Variants in NEMF observed in about 807,000 individuals in gnomAD.
The protein encoded by NEMF is nuclear export mediator factor, also known as ribosome quality control complex subunit NEMF.
NEMF carries 89 observed loss-of-function variants against 162.2 expected under a neutral mutation model. The observed-to-expected ratio is 0.55, with a 90% confidence interval of 0.46 to 0.65. NEMF has a LOEUF of 0.65. NEMF is among the 30% of genes least tolerant of loss of function. NEMF has a pLI of 0.00. For missense variants in NEMF, 1,133 were observed against 1,261.9 expected, an observed-to-expected ratio of 0.90 and a Z score of 1.55; for synonymous variants, 421 against 404.5, an observed-to-expected ratio of 1.04 and a Z score of -0.49.
intron 5 of NEMF, 44 bp from the exon 6 acceptor site, chr14:49,838,250 C>T (rs1392497449): frequency 2.4e-5 from 37 of 1,516,846 alleles, no homozygotes; most frequent in Non-Finnish European, 2.9e-5. Flanking sequence ...CTTAAATAAA[C>T]CTTACAGCAA....
intron 32 of NEMF, 24 bp downstream of exon 32, chr14:49,784,901 T>G (rs753463440): frequency 1.3e-6 from 2 of 1,595,438 alleles, no homozygotes; most frequent in Admixed American, 1.7e-5. Flanking sequence ...GTCTCCACAT[T>G]CCTTTTCTGA....
rs1411379366 is a variant in NEMF at position 49,789,024 on chromosome 14, A to G, written c.2895+122T>C. On this transcript the variant is annotated intron_variant, in intron 28 of 32. Coordinates refer to ENST00000298310, the MANE Select transcript of NEMF (RefSeq NM_004713.6). ...CTTTCAGGTTGTATTTCTGGATGAC[A>G]TTCCATTAAGAATAGGGTTACTCAC... 2.7e-5 allele frequency: 20 copies of G among 745,344 alleles called. No individual in the cohort carries two copies. The East Asian group carries it at 4.2e-4, about 16-fold the overall frequency. The allele number at this position is 745,344 out of a possible 1,614,324, so 46.2% of individuals were successfully genotyped here.
At chr14:49,836,553 A>G (rs1892913965) in intron 6 of NEMF, among the ~76,000 whole-genome samples, 1 of 152,078 alleles carries the variant, frequency 6.6e-6, no homozygotes. Context: ...GGGCTGAGGC[A>G]GGAGATGGCC....
rs1890033612 is a variant in NEMF at position 49,783,877 on chromosome 14, G to A, written c.*759C>T. The A allele has an allele frequency of 6.6e-6, 1 of 152,020 alleles. No individual in the cohort carries two copies. The highest frequency in any genetic ancestry group is 1.5e-5 in the Non-Finnish European group (1 of 67,986). The allele number at this position is 152,020 out of a possible 1,614,324, so 9.4% of individuals were successfully genotyped here. A position where few individuals can be genotyped will look rare whatever the true frequency, so the allele number is the denominator to read the frequency against. On this transcript the variant is annotated 3_prime_UTR_variant, in exon 33 of 33. Transcript: ENST00000298310. ...ATATTTTTTTCTGACAAGTATCAAT[G>A]AAAGCAGAAGAAAATCCACTCCAAT...
At chr14:49,804,264 A>G (rs1364455239) in intron 19 of NEMF, among the ~76,000 whole-genome samples, 1 of 152,114 alleles carries the variant, frequency 6.6e-6, no homozygotes, top group Admixed American at 6.5e-5. Flanking sequence ...TTGGCCTTCC[A>G]AAGTGCTGGG....
intron 7 of NEMF, chr14:49,834,140 G>A (rs1006141560): frequency 3.3e-6 from 2 of 597,460 alleles, no homozygotes; most frequent in Non-Finnish European, 6.2e-6. Context: ...GCTCAGGCTG[G>A]AGTGCAGCTG....
At chr14:49,809,866 AAG>A (rs1891389482) in intron 18 of NEMF, among the ~76,000 whole-genome samples, 1 of 152,052 alleles carries the variant, frequency 6.6e-6, no homozygotes, top group Non-Finnish European at 1.5e-5. Context: ...GTCTCAAAAA[AAG>A]AGAGTGAACT....
intron 11 of NEMF, among the ~76,000 whole-genome samples, chr14:49,830,655 G>T (rs1892589261): frequency 6.6e-6 from 1 of 152,244 alleles, no homozygotes; most frequent in East Asian, 1.9e-4. Flanking sequence ...AAAGTGCTGG[G>T]ATTTACAGGC....
chr14:49,803,284 G>C lies in NEMF; in HGVS notation c.1868C>G (p.Thr623Arg), dbSNP rs553749740. Residue 623 changes from threonine to arginine, a missense_variant, in exon 20 of 33, where the codon ACA (threonine) becomes AGA (arginine). Thr to Arg is a moderately conservative substitution (Grantham distance 71). Around this residue, in one of 3 missense-constraint regions of NEMF, gnomAD observed 532 missense variants for 578.6 expected, o/e 0.92. Transcript: ENST00000298310. ...WWVYHHQVSKTAPTGEYLTTG... is the reference protein window; with the variant it reads ...WWVYHHQVSKRAPTGEYLTTG... ...TGTCAAATATTCTCCAGTTGGTGCTGTTTTAGATACCTGAAGAACACAATA... is the reference window on the plus strand; with the variant it reads ...TGTCAAATATTCTCCAGTTGGTGCTCTTTTAGATACCTGAAGAACACAATA... 4 of 1,606,144 alleles carry C rather than the reference G, an allele frequency of 2.5e-6. No homozygotes were observed. In the South Asian group the frequency reaches 4.4e-5, roughly 18 times the overall value.
At chr14:49,819,183 A>G (rs1320323454) in intron 16 of NEMF, among the ~76,000 whole-genome samples, 2 of 152,136 alleles carry the variant, frequency 1.3e-5, no homozygotes, top group Non-Finnish European at 2.9e-5. Flanking sequence ...TTACAGTAAC[A>G]TGAGTAACTC....
intron 3 of NEMF, among the ~76,000 whole-genome samples, chr14:49,848,833 C>CAAAAAA (rs36090515): frequency 2.5e-5 from 1 of 40,768 alleles, no homozygotes; most frequent in Admixed American, 2.7e-4. Flanking sequence ...GACTCCGTCT[C>CAAAAAA]AAAAAAAAAA....
At chr14:49,796,094 AT>A in intron 25 of NEMF, 150 bp from the exon 26 acceptor site, 1 of 634,778 alleles carries the variant, frequency 1.6e-6, no homozygotes, top group Non-Finnish European at 2.8e-6. Flanking sequence ...AAATACAAAG[AT>A]GCTTAAAATC....
chr14:49,835,858 T>C (rs759734444), intron 6 of NEMF, among the ~76,000 whole-genome samples: 3 of 152,198 alleles, frequency 2.0e-5, no homozygotes, highest in Non-Finnish European at 2.9e-5. Flanking sequence ...TGTATTTCTA[T>C]GCAAAAATGA....
At position 49,785,023 on chromosome 14, in the gene NEMF, G is replaced by A. The variant is rs185286415; in HGVS notation, c.3074-19C>T. ...TTTGCAGCTGTAAATACAAAAAAGA[G>A]TAAGAATAATCTACTGTTAAGTCAC... On this transcript the variant is annotated intron_variant, in intron 31 of 32. Coordinates refer to ENST00000298310, the MANE Select transcript of NEMF (RefSeq NM_004713.6). The A allele has an allele frequency of 1.5e-3, 2,401 of 1,609,636 alleles. 27 individuals carry two copies. Among genetic ancestry groups the A allele is most frequent in the South Asian group, 3.1e-3 (284 of 90,996 alleles).
chr14:49,794,256 A>G (rs902498935), intron 26 of NEMF, among the ~76,000 whole-genome samples: 1 of 152,114 alleles, frequency 6.6e-6, no homozygotes, highest in Non-Finnish European at 1.5e-5. Context: ...TCCAAAATAA[A>G]TTTACAATTA....
chr14:49,825,419 A>C (rs563834054), intron 16 of NEMF, among the ~76,000 whole-genome samples: 1 of 152,314 alleles, frequency 6.6e-6, no homozygotes, highest in South Asian at 2.1e-4. Flanking sequence ...TTTCCTTCGG[A>C]GAGCAGGCAA....
At chr14:49,827,594 C>A (rs1892421321) in intron 15 of NEMF, among the ~76,000 whole-genome samples, 1 of 152,136 alleles carries the variant, frequency 6.6e-6, no homozygotes, top group Admixed American at 6.5e-5. Flanking sequence ...GGGCGGATCA[C>A]CTGAGGTCAG....
chr14:49,841,897 G>A (rs533491181), intron 4 of NEMF, among the ~76,000 whole-genome samples: 9 of 152,202 alleles, frequency 5.9e-5, no homozygotes, highest in South Asian at 2.1e-4. Flanking sequence ...CCTGAGGTCC[G>A]GAGTTCAAGA....
At chr14:49,831,993 A>G (rs1166619099) in intron 10 of NEMF, 58 bp downstream of exon 10, 7 of 1,138,776 alleles carry the variant, frequency 6.1e-6, no homozygotes, top group Non-Finnish European at 8.8e-6. Flanking sequence ...AAGCAAGTTG[A>G]TATCAACAGC....
Sources: gnomAD v4.1 joint callset for allele counts (sites outside exome capture counted in the v4.1 genomes callset) on GRCh38, gnomAD v4.1.1 for gene constraint, gnomAD v4.1.1 regional missense constraint, MANE v1.5 for transcripts, NCBI Gene and HGNC (gene_info 2026-07-23, HGNC 2026-07-21) for gene names.